Variants in NLN observed in about 807,000 individuals in gnomAD.
NLN encodes the protein neurolysin, mitochondrial.
A neutral mutation model predicts 79.9 loss-of-function variants in NLN; 64 were observed. The ratio of observed to expected loss-of-function variants is 0.80; its 90% CI spans 0.65 to 0.99. The LOEUF (loss-of-function observed/expected upper bound fraction) is 0.99, where lower values mean the gene tolerates loss of function less well. Among genes scored for constraint, NLN ranks in the 50% least tolerant of loss-of-function variants. The probability of loss-of-function intolerance (pLI) is 0.00; values close to 1 mark genes in which losing one functional copy is unlikely to be tolerated. For synonymous variants in NLN, 267 were observed against 296.6 expected (o/e 0.90, Z 1.02); for missense variants, 835 against 858.7 (o/e 0.97, Z 0.34).
intron 4 of NLN, 47 bp from the exon 5 acceptor site, chr5:65,780,132 G>A (rs1378491991): frequency 1.2e-6 from 1 of 809,674 alleles, no homozygotes; most frequent in South Asian, 1.5e-5. Context: ...GGCAAAAAAT[G>A]AGTTTCTTTT....
intron 12 of NLN, among the ~76,000 whole-genome samples, chr5:65,816,370 G>A (rs1034295659): frequency 6.6e-6 from 1 of 152,002 alleles, no homozygotes; most frequent in Non-Finnish European, 1.5e-5. Context: ...CACACACTGG[G>A]GCCTTTTGGA....
chr5:65,753,650 CAA>C (rs759112884), intron 1 of NLN, among the ~76,000 whole-genome samples: 8 of 89,058 alleles, frequency 9.0e-5, no homozygotes, highest in Admixed American at 2.4e-4. Context: ...ACTCTATCTC[CAA>C]AAAAAAAAAA....
intron 1 of NLN, 194 bp downstream of exon 1, chr5:65,722,608 C>T (rs1393991877): frequency 1.3e-5 from 7 of 538,518 alleles, no homozygotes; most frequent in East Asian, 3.5e-5. Flanking sequence ...TTCCCGCCTC[C>T]GCTCCCTCGG....
chr5:65,761,225 T>C (rs1458651618), intron 2 of NLN, among the ~76,000 whole-genome samples: 1 of 152,176 alleles, frequency 6.6e-6, no homozygotes, highest in East Asian at 1.9e-4. Context: ...ATGTTGCTTA[T>C]ATAAGTTTAT....
chr5:65,800,271 C>T (rs1375598718), intron 9 of NLN, among the ~76,000 whole-genome samples: 1 of 152,180 alleles, frequency 6.6e-6, no homozygotes, highest in Non-Finnish European at 1.5e-5. Flanking sequence ...GATTCTGTTC[C>T]TGTTCTTATT....
At chr5:65,787,254 ATGTGTGTGTGTG>A (rs146242783) in intron 7 of NLN, among the ~76,000 whole-genome samples, 1 of 149,058 alleles carries the variant, frequency 6.7e-6, no homozygotes, top group Non-Finnish European at 1.5e-5. Flanking sequence ...ATATATATGT[ATGTGTGTGTGTG>A]TGTGTGTGTA....
intron 1 of NLN, among the ~76,000 whole-genome samples, chr5:65,753,778 GTTC>G (rs1022217541): frequency 2.0e-5 from 3 of 152,130 alleles, no homozygotes; most frequent in South Asian, 4.2e-4. Flanking sequence ...TTTAGTCGTT[GTTC>G]TTCTCTTTCA....
intron 9 of NLN, chr5:65,793,156 G>T (rs1455123602): frequency 3.2e-5 from 8 of 250,172 alleles, no homozygotes; most frequent in African/African-American, 1.4e-4. Flanking sequence ...TGCCAGAGTG[G>T]AGGTGTATGT....
chr5:65,816,516 G>T (rs1485973643), intron 12 of NLN, among the ~76,000 whole-genome samples: 1 of 150,312 alleles, frequency 6.7e-6, no homozygotes, highest in African/African-American at 2.5e-5. Flanking sequence ...ACCTGTACTC[G>T]TACCCCGAAC....
At chr5:65,725,801 GT>G (rs1354096107) in intron 1 of NLN, among the ~76,000 whole-genome samples, 2 of 152,132 alleles carry the variant, frequency 1.3e-5, no homozygotes, top group African/African-American at 2.4e-5. Flanking sequence ...TCTGTCAGTA[GT>G]TTTTTTCTGG....
chr5:65,746,962 C>G (rs1194264534), intron 1 of NLN, among the ~76,000 whole-genome samples: 1 of 151,166 alleles, frequency 6.6e-6, no homozygotes, highest in Non-Finnish European at 1.5e-5. Flanking sequence ...TGAGATCGTG[C>G]CACTGCACTC....
intron 1 of NLN, among the ~76,000 whole-genome samples, chr5:65,730,005 G>A (rs1180104554): frequency 6.6e-6 from 1 of 152,268 alleles, no homozygotes; most frequent in Admixed American, 6.5e-5. Flanking sequence ...TAAGTTCTCC[G>A]TATCTGTTTC....
intron 6 of NLN, among the ~76,000 whole-genome samples, chr5:65,783,820 A>G (rs1287876827): frequency 6.6e-6 from 1 of 152,212 alleles, no homozygotes; most frequent in East Asian, 1.9e-4. Context: ...AAATGAAAGA[A>G]AAATCTAATT....
intron 9 of NLN, among the ~76,000 whole-genome samples, chr5:65,806,496 C>T (rs1760415588): frequency 6.6e-6 from 1 of 152,162 alleles, no homozygotes; most frequent in Admixed American, 6.5e-5. Flanking sequence ...GAGGAAGGAG[C>T]TGCAGATATG....
chr5:65,722,440 T>C, intron 1 of NLN, 26 bp downstream of exon 1: 1 of 1,570,268 alleles, frequency 6.4e-7, no homozygotes. Context: ...GGGTTAACCT[T>C]GGCCGTGGGC....
At chr5:65,735,827 G>A (rs1199122088) in intron 1 of NLN, among the ~76,000 whole-genome samples, 3 of 152,130 alleles carry the variant, frequency 2.0e-5, no homozygotes, top group African/African-American at 4.8e-5. Context: ...CAGCCAGAGA[G>A]TTTATGTCCT....
At chr5:65,818,358 C>T (rs1031449016) in intron 12 of NLN, among the ~76,000 whole-genome samples, 10 of 152,146 alleles carry the variant, frequency 6.6e-5, no homozygotes, top group Non-Finnish European at 1.0e-4. Flanking sequence ...TTGGACCTGA[C>T]GGTTTTCTCC....
At chr5:65,792,363 A>T in intron 8 of NLN, 91 bp from the exon 9 acceptor site, 1 of 760,364 alleles carries the variant, frequency 1.3e-6, no homozygotes, top group Non-Finnish European at 2.2e-6. Flanking sequence ...CTCTGGTAAC[A>T]GATATGGCTT....
At chr5:65,760,433 C>T (rs145570295) in intron 2 of NLN, among the ~76,000 whole-genome samples, 96 of 152,308 alleles carry the variant, frequency 6.3e-4, no homozygotes, top group Non-Finnish European at 9.0e-4. Context: ...ACTTCATGTG[C>T]GTGTACCATC....
Sources: allele counts gnomAD v4.1 joint callset (sites outside exome capture counted in the v4.1 genomes callset), GRCh38; gene constraint gnomAD v4.1.1; transcripts MANE v1.5; gene names NCBI Gene and HGNC (gene_info 2026-07-23, HGNC 2026-07-21).